DTD1: variants seen among roughly 807,000 people sequenced by gnomAD.
DTD1 encodes D-tyrosyl-tRNA deacylase 1 homolog.
DTD1 carries 13 observed loss-of-function variants against 25.6 expected under a neutral mutation model. The ratio of observed to expected loss-of-function variants is 0.51; its 90% CI spans 0.33 to 0.81. DTD1 has a LOEUF of 0.81. Ranked by LOEUF, DTD1 falls within the 30% of genes least tolerant of loss-of-function variation. The pLI, the probability that DTD1 is intolerant of heterozygous loss-of-function variation, is 0.02. For synonymous variants in DTD1, 110 were observed against 103.6 expected (o/e 1.06, Z -0.37); for missense variants, 193 against 266.4 (o/e 0.72, Z 1.92).
chr20:18,632,423 G>A (rs541030093), intron 4 of DTD1: 37 of 985,382 alleles, frequency 3.8e-5, no homozygotes, highest in Non-Finnish European at 4.5e-5. Context: ...AGCGGCCTGT[G>A]TTAGGTTGGT....
At chr20:18,662,915 T>C (rs2060916986) in intron 4 of DTD1, among the ~76,000 whole-genome samples, 1 of 152,192 alleles carries the variant, frequency 6.6e-6, no homozygotes, top group South Asian at 2.1e-4. Context: ...ATGGCTCTTA[T>C]CGCAAAGTCA....
intron 5 of DTD1, among the ~76,000 whole-genome samples, chr20:18,748,174 T>C (rs2061308013): frequency 6.7e-6 from 1 of 150,090 alleles, no homozygotes. Context: ...CTGGCACGCA[T>C]ACACACACAC....
chr20:18,704,212 G>A (rs1056192719), intron 4 of DTD1, among the ~76,000 whole-genome samples: 1 of 152,112 alleles, frequency 6.6e-6, no homozygotes, highest in African/African-American at 2.4e-5. Context: ...ATGTTAGCCA[G>A]GATGGTCTCG....
chr20:18,646,120 T>C (rs1425496581), intron 4 of DTD1, among the ~76,000 whole-genome samples: 1 of 152,212 alleles, frequency 6.6e-6, no homozygotes, highest in Non-Finnish European at 1.5e-5. Flanking sequence ...GAGGCCTCAC[T>C]GGACAGGTAC....
intron 4 of DTD1, among the ~76,000 whole-genome samples, chr20:18,728,344 A>G (rs1329115475): frequency 6.6e-6 from 1 of 152,188 alleles, no homozygotes; most frequent in Non-Finnish European, 1.5e-5. Flanking sequence ...CTTCAAAGCC[A>G]CTCGAACTCT....
intron 4 of DTD1, among the ~76,000 whole-genome samples, chr20:18,709,975 A>G (rs1453296455): frequency 6.6e-6 from 1 of 152,128 alleles, no homozygotes; most frequent in African/African-American, 2.4e-5. Flanking sequence ...TATTAGGGTA[A>G]ATAACTTATT....
chr20:18,597,398 CTATT>C (rs1230102176), intron 3 of DTD1, among the ~76,000 whole-genome samples: 1 of 152,044 alleles, frequency 6.6e-6, no homozygotes, highest in Non-Finnish European at 1.5e-5. Flanking sequence ...TACAATTCAC[CTATT>C]TAAAGTGTAC....
chr20:18,631,151 C>G (rs1861110336), intron 4 of DTD1: 2 of 985,354 alleles, frequency 2.0e-6, no homozygotes, highest in African/African-American at 3.5e-5. Context: ...CTTCTCTATC[C>G]CCCTTCTGCC....
chr20:18,726,109 A>T (rs1449237473), intron 4 of DTD1, among the ~76,000 whole-genome samples: 4 of 152,146 alleles, frequency 2.6e-5, no homozygotes, highest in African/African-American at 4.8e-5. Flanking sequence ...ACTTGTCTAG[A>T]TCCTCACATG....
chr20:18,708,800 T>C (rs931205708), intron 4 of DTD1, among the ~76,000 whole-genome samples: 1 of 152,158 alleles, frequency 6.6e-6, no homozygotes, highest in Admixed American at 6.5e-5. Context: ...CTAGCGCTGT[T>C]GTCAACATAA....
intron 5 of DTD1, among the ~76,000 whole-genome samples, chr20:18,757,056 A>C (rs1403799920): frequency 2.0e-5 from 3 of 151,416 alleles, no homozygotes; most frequent in Admixed American, 6.6e-5. Flanking sequence ...TTCACTCATG[A>C]TTTGGCTCTC....
intron 4 of DTD1, among the ~76,000 whole-genome samples, chr20:18,714,685 G>A (rs955515203): frequency 6.6e-6 from 1 of 152,184 alleles, no homozygotes; most frequent in Non-Finnish European, 1.5e-5. Context: ...TCCTTTAGGA[G>A]CACTGAGGCC....
intron 5 of DTD1, among the ~76,000 whole-genome samples, chr20:18,762,945 T>C (rs557976666): frequency 6.6e-6 from 1 of 152,284 alleles, no homozygotes; most frequent in Admixed American, 6.5e-5. Flanking sequence ...ACCTTTTTCT[T>C]TTGTAATATA....
chr20:18,631,193 TG>T, intron 4 of DTD1: 1 of 985,492 alleles, frequency 1.0e-6, no homozygotes, highest in Non-Finnish European at 1.2e-6. Flanking sequence ...TTTCCTGGGC[TG>T]AGTCCAGCCT....
intron 3 of DTD1, among the ~76,000 whole-genome samples, chr20:18,600,045 A>T (rs1377448456): frequency 6.6e-5 from 10 of 152,122 alleles, no homozygotes; most frequent in Non-Finnish European, 2.9e-5. Flanking sequence ...ATTTTTTCTC[A>T]ATCTGTGGCT....
chr20:18,627,412 T>C (rs2060764094), intron 3 of DTD1, among the ~76,000 whole-genome samples: 1 of 152,240 alleles, frequency 6.6e-6, no homozygotes. Context: ...CTTCACTGCA[T>C]GCAGTGCAAA....
chr20:18,628,959 G>A (rs1216748963), intron 4 of DTD1, among the ~76,000 whole-genome samples: 4 of 149,294 alleles, frequency 2.7e-5, no homozygotes, highest in South Asian at 2.1e-4. Flanking sequence ...TGATAGAAAC[G>A]TGAAGCTGGG....
At chr20:18,658,702 A>G (rs962022957) in intron 4 of DTD1, among the ~76,000 whole-genome samples, 6 of 152,224 alleles carry the variant, frequency 3.9e-5, no homozygotes, top group African/African-American at 1.2e-4. Flanking sequence ...TTCCTATTCT[A>G]CTGGTTAAAC....
rs1399224502 is a variant in DTD1, at chr20:18,633,600, T to C, written c.477+5367T>C. 3.3e-5 allele frequency among the ~76,000 whole-genome samples: 5 copies of C among 152,330 alleles called. No homozygotes were observed. In the East Asian group the frequency reaches 9.6e-4, roughly 29 times the overall value. On this transcript the variant is annotated intron_variant, in intron 4 of 5. Coordinates refer to ENST00000377452, the MANE Select transcript of DTD1 (RefSeq NM_080820.6). ...TGGGCTGTGGTGTCTATGAATGTCC[T>C]GAGTTCAGAGAAGGCCATTGTCACT...
Sources: gnomAD v4.1 joint callset for allele counts (sites outside exome capture counted in the v4.1 genomes callset) on GRCh38, gnomAD v4.1.1 for gene constraint, MANE v1.5 for transcripts, NCBI Gene and HGNC (gene_info 2026-07-23, HGNC 2026-07-21) for gene names.